Variants in NEK7 observed in about 807,000 individuals in gnomAD.
The protein encoded by NEK7 is serine/threonine-protein kinase Nek7.
NEK7 carries 18 observed loss-of-function variants against 44.6 expected under a neutral mutation model. The ratio of observed to expected loss-of-function variants is 0.40; its 90% CI spans 0.28 to 0.60. NEK7 has a LOEUF of 0.60. Among genes scored for constraint, NEK7 ranks in the 20% least tolerant of loss-of-function variants. The pLI, the probability that NEK7 is intolerant of heterozygous loss-of-function variation, is 0.38. For synonymous variants in NEK7, 130 were observed against 121.1 expected (o/e 1.07, Z -0.48); for missense variants, 256 against 366.5 (o/e 0.70, Z 2.46).
chr1:198,159,302 A>G (rs117184907), intron 1 of NEK7, among the ~76,000 whole-genome samples: 26 of 152,006 alleles, frequency 1.7e-4, no homozygotes, highest in East Asian at 3.9e-4. Context: ...AGAAAGAAAG[A>G]AAGGAAGGAA....
At chr1:198,205,109 A>G (rs754210108) in intron 1 of NEK7, among the ~76,000 whole-genome samples, 3 of 152,062 alleles carry the variant, frequency 2.0e-5, no homozygotes, top group Admixed American at 6.6e-5. Context: ...CCCATTGCTT[A>G]TTTTTGTTTG....
chr1:198,267,674 C>T (rs1653698119), intron 5 of NEK7, among the ~76,000 whole-genome samples: 1 of 151,974 alleles, frequency 6.6e-6, no homozygotes, highest in South Asian at 2.1e-4. Context: ...GAACTTTGAC[C>T]TCAGGTGATC....
chr1:198,162,451 C>T (rs1443037869), intron 1 of NEK7, among the ~76,000 whole-genome samples: 1 of 152,166 alleles, frequency 6.6e-6, no homozygotes, highest in Non-Finnish European at 1.5e-5. Flanking sequence ...ACTTTATGAC[C>T]TTGGTTGAGT....
chr1:198,240,992 C>T (rs1666670354), intron 2 of NEK7, among the ~76,000 whole-genome samples: 1 of 152,204 alleles, frequency 6.6e-6, no homozygotes, highest in South Asian at 2.1e-4. Context: ...CACTCCCGGC[C>T]AAGACCAATA....
chr1:198,176,904 G>A (rs1369516334), intron 1 of NEK7, among the ~76,000 whole-genome samples: 3 of 152,092 alleles, frequency 2.0e-5, no homozygotes, highest in African/African-American at 7.2e-5. Flanking sequence ...AGACATGTTA[G>A]GTTTAGGATA....
intron 1 of NEK7, among the ~76,000 whole-genome samples, chr1:198,198,394 G>A (rs1375323453): frequency 6.6e-6 from 1 of 152,110 alleles, no homozygotes; most frequent in Non-Finnish European, 1.5e-5. Flanking sequence ...AATACTGATG[G>A]GACCTGTGTA....
Position 198,262,581 on chromosome 1 carries a change from G to T in NEK7, c.205G>T (p.Asp69Tyr). The change falls in exon 4 of 10, where the codon GAT (aspartate) becomes TAT (tyrosine). Residue 69 changes from aspartate to tyrosine, a missense_variant. Physicochemically the swap from Asp to Tyr is radical, Grantham distance 160. Around this residue, in one of 3 missense-constraint regions of NEK7, gnomAD observed 96 missense variants for 94.9 expected, o/e 1.01. Transcript: ENST00000367385. The stretch of plus-strand genomic sequence containing the variant: ...TTCTGGGTTCTGTTTTTAGATATTT[G>T]ATTTAATGGATGCCAAAGCACGTGC... Reference protein sequence around the residue: ...PVALKKVQIFDLMDAKARADC... With the variant: ...PVALKKVQIFYLMDAKARADC... 1.3e-6 allele frequency: 2 copies of T among 1,585,104 alleles called. No individual in the cohort carries two copies. Among genetic ancestry groups the T allele is most frequent in the South Asian group, 2.3e-5 (2 of 88,660 alleles).
intron 2 of NEK7, among the ~76,000 whole-genome samples, chr1:198,237,048 G>A (rs940414050): frequency 2.0e-5 from 3 of 152,054 alleles, no homozygotes; most frequent in Admixed American, 6.6e-5. Context: ...CAGTTTTCAG[G>A]CCTCATTTTA....
chr1:198,271,902 A>AT (rs761936296), intron 5 of NEK7, among the ~76,000 whole-genome samples: 3 of 121,142 alleles, frequency 2.5e-5, no homozygotes, highest in African/African-American at 9.9e-5. Flanking sequence ...AAAAATTTAT[A>AT]TTTTATATAT....
intron 9 of NEK7, among the ~76,000 whole-genome samples, chr1:198,302,213 C>A (rs1450061007): frequency 2.6e-5 from 4 of 152,126 alleles, no homozygotes; most frequent in Non-Finnish European, 1.5e-5. Context: ...AAAATATCAA[C>A]CTGAAAGGTC....
chr1:198,190,644 C>T (rs1205468596), intron 1 of NEK7, among the ~76,000 whole-genome samples: 2 of 151,854 alleles, frequency 1.3e-5, no homozygotes, highest in Admixed American at 1.3e-4. Flanking sequence ...CATTTTTTTG[C>T]ATTCTTATAA....
intron 7 of NEK7, among the ~76,000 whole-genome samples, chr1:198,285,320 T>C (rs944807452): frequency 1.3e-5 from 2 of 152,118 alleles, no homozygotes; most frequent in African/African-American, 4.8e-5. Flanking sequence ...ACTACATACA[T>C]AAAGGGTGAA....
chr1:198,305,732 A>G (rs1009580988), intron 9 of NEK7, among the ~76,000 whole-genome samples: 12 of 152,132 alleles, frequency 7.9e-5, no homozygotes, highest in Non-Finnish European at 1.3e-4. Flanking sequence ...CCTGTGTCTT[A>G]TTGGGAATTT....
intron 4 of NEK7, 57 bp downstream of exon 4, chr1:198,262,694 T>C (rs1411359449): frequency 2.9e-6 from 3 of 1,040,102 alleles, no homozygotes; most frequent in Non-Finnish European, 4.3e-6. Context: ...AGTGATTTAC[T>C]AAAATATCAC....
chr1:198,267,314 A>AT (rs1164054755), intron 5 of NEK7, among the ~76,000 whole-genome samples: 3 of 152,114 alleles, frequency 2.0e-5, no homozygotes, highest in Non-Finnish European at 2.9e-5. Flanking sequence ...CAAGAAACTT[A>AT]TTTTCCAGTG....
intron 1 of NEK7, among the ~76,000 whole-genome samples, chr1:198,216,930 A>G (rs1665938889): frequency 6.6e-6 from 1 of 152,046 alleles, no homozygotes; most frequent in African/African-American, 2.4e-5. Flanking sequence ...AATCACAAGC[A>G]GTGAGATTGA....
intron 1 of NEK7, among the ~76,000 whole-genome samples, chr1:198,176,791 C>T (rs966238155): frequency 2.0e-5 from 3 of 151,898 alleles, no homozygotes; most frequent in African/African-American, 4.8e-5. Flanking sequence ...ACCTAGGGAC[C>T]GTAGGGGATG....
At chr1:198,284,006 G>A (rs1208628536) in intron 7 of NEK7, among the ~76,000 whole-genome samples, 1 of 152,122 alleles carries the variant, frequency 6.6e-6, no homozygotes, top group Admixed American at 6.6e-5. Flanking sequence ...TATCTGGCCT[G>A]TTGAATTGGT....
At chr1:198,169,624 T>C (rs998531474) in intron 1 of NEK7, among the ~76,000 whole-genome samples, 2 of 151,496 alleles carry the variant, frequency 1.3e-5, no homozygotes, top group African/African-American at 4.9e-5. Context: ...TTGTACCCTT[T>C]CTGGCTTCTC....
Sources: gnomAD v4.1 joint callset for allele counts (sites outside exome capture counted in the v4.1 genomes callset) on GRCh38, gnomAD v4.1.1 for gene constraint, gnomAD v4.1.1 regional missense constraint, MANE v1.5 for transcripts, NCBI Gene and HGNC (gene_info 2026-07-23, HGNC 2026-07-21) for gene names.